Variants in FARSA observed in about 807,000 individuals in gnomAD.
The protein encoded by FARSA is phenylalanyl-tRNA synthetase subunit alpha.
FARSA carries 37 observed loss-of-function variants against 63.2 expected under a neutral mutation model. The observed-to-expected ratio is 0.59, with a 90% CI of 0.45 to 0.77. FARSA has a LOEUF of 0.77. Among genes scored for constraint, FARSA ranks in the 30% least tolerant of loss-of-function variants. The probability of loss-of-function intolerance (pLI) is 0.00; values close to 1 mark genes in which losing one functional copy is unlikely to be tolerated. For missense variants in FARSA, 618 were observed against 696.6 expected (o/e 0.89, Z 1.27); for synonymous variants, 312 against 285.1 (o/e 1.09, Z -0.95).
chr19:12,932,171 G>A (rs1009930591), intron 1 of FARSA, among the ~76,000 whole-genome samples: 1 of 151,590 alleles, frequency 6.6e-6, no homozygotes, highest in Non-Finnish European at 1.5e-5. Context: ...TGGGATTACG[G>A]GTGCCCACCA....
Position 12,928,439 on chromosome 19 carries a change from A to T in FARSA, c.744T>A (p.Thr248=), listed in dbSNP as rs1485989295. ...AGAAGGAGCTCTCAATGAAGTTATC[A>T]GTCGGCATCTCGGTGAACCTGGTGG... The part of the protein sequence containing the change: ...FLEMGFTEMP[T]DNFIESSFWN... The change falls in exon 7 of 13, where the codon ACT becomes ACA. Residue 248 remains threonine, a synonymous_variant. Coordinates refer to ENST00000314606, the MANE Select transcript of FARSA (RefSeq NM_004461.3). The T allele has an allele frequency of 1.2e-6, 2 of 1,613,932 alleles. No homozygotes were observed. Among genetic ancestry groups the T allele is most frequent in the Non-Finnish European group, 1.7e-6 (2 of 1,179,970 alleles).
chr19:12,930,781 A>C (rs547338721), intron 1 of FARSA, 32 bp from the exon 2 acceptor site: 8 of 1,601,214 alleles, frequency 5.0e-6, no homozygotes, highest in Middle Eastern at 1.7e-4. Context: ...GTGTCCAGGC[A>C]GGGGTGAGGC....
Position 12,924,912 on chromosome 19 carries a change from C to G in FARSA, c.1018G>C (p.Ala340Pro), listed in dbSNP as rs770576117. The G allele has an allele frequency of 1.2e-6, 2 of 1,614,254 alleles. No individual in the cohort carries two copies. The highest frequency in any genetic ancestry group is 1.7e-6 in the Non-Finnish European group (2 of 1,180,048). The change falls in exon 9 of 13, where the codon GCC becomes CCC. Residue 340 changes from alanine (A) to proline (P), a missense_variant. Transcript: ENST00000314606. This position sits in a 1 kb window ranked among gnomAD's most constrained non-coding sequence, Gnocchi z 6.4. ...GCCTGGGCCAACCGCACCTTCTGGG[C>G]AAGGCGGTAGAGCGCACGGGCGCTG... ...SASARALYRL[A>P]QKKPFTPVKY...
In FARSA at chr19:12,922,721, G is replaced by A. The variant is rs565376622; in HGVS notation, c.*27C>T. ...GAGCGCAGCAGCAGGGACTCGGGGA[G>A]GATGACCTGTCCTAGAGTGGCCCAT... On this transcript the variant is annotated 3_prime_UTR_variant, in exon 13 of 13. Transcript: ENST00000314606. 1.2e-6 allele frequency: 2 copies of A among 1,611,784 alleles called. No individual in the cohort carries two copies. Among genetic ancestry groups the A allele is most frequent in the Middle Eastern group, 1.9e-4 (1 of 5,310 alleles).
chr19:12,930,992 C>A (rs1175662408), intron 1 of FARSA, among the ~76,000 whole-genome samples: 1 of 152,230 alleles, frequency 6.6e-6, no homozygotes, highest in Non-Finnish European at 1.5e-5. Flanking sequence ...GTAAAGTACA[C>A]CACTAAAGAT....
chr19:12,929,898 C>T (rs1369754176), intron 4 of FARSA, among the ~76,000 whole-genome samples: 6 of 152,076 alleles, frequency 3.9e-5, no homozygotes, highest in Admixed American at 3.3e-4. Context: ...AATGAACAAG[C>T]ACCAAAGATG....
In FARSA at chr19:12,922,841, C is replaced by T; in HGVS notation, c.1434G>A (p.Val478=). The T allele has an allele frequency of 6.2e-7, 1 of 1,614,152 alleles. No homozygotes were observed. The highest frequency in any genetic ancestry group is 8.5e-7 in the Non-Finnish European group (1 of 1,180,020). ...KYGINNIREL[V]GHKVNLQMVY... ...CCATCTGCAGGTTCACCTTGTGGCC[C>T]ACCAGCTCCCGGATATTGTTGATGC... The change falls in exon 13 of 13, where the codon GTG becomes GTA. Residue 478 remains valine (V), a synonymous_variant. Coordinates refer to ENST00000314606, the MANE Select transcript of FARSA (RefSeq NM_004461.3).
At position 12,924,842 on chromosome 19, in the gene FARSA, G is replaced by C. The variant is rs769594954; in HGVS notation, c.1027-35C>G. On this transcript the variant is annotated intron_variant, in intron 9 of 12. Transcript: ENST00000314606. The surrounding 1 kb of genome is among the most constrained non-coding windows in gnomAD (Gnocchi z 6.4). Reference sequence around the variant, plus strand: ...ACAACCGAGCCAGGCCCAGGTATGGGTCAGAAGGTCCCTTTGACAGCACCC... The same window carrying C: ...ACAACCGAGCCAGGCCCAGGTATGGCTCAGAAGGTCCCTTTGACAGCACCC... The C allele has an allele frequency of 6.2e-7, 1 of 1,613,820 alleles. No homozygotes were observed. Among genetic ancestry groups the C allele is most frequent in the African/African-American group, 1.3e-5 (1 of 75,070 alleles).
Position 12,922,760 on chromosome 19 carries a change from CTG to C in FARSA, c.1513_1514del (p.Gln505GlyfsTer37). 6.2e-7 allele frequency: 1 copy of C among 1,613,896 alleles called. No homozygotes were observed. Among genetic ancestry groups the C allele is most frequent in the Non-Finnish European group, 8.5e-7 (1 of 1,180,004 alleles). Reference sequence around the variant, plus strand: ...AGAGTGGCCCATGTCACGCAGCCTCCTGTGTGGGAGGGGGCCTCGGCTCGGCA... The same window carrying C: ...AGAGTGGCCCATGTCACGCAGCCTCCTGTGGGAGGGGGCCTCGGCTCGGCA... ...LDAEPRPPPT[Q>X]EAA On this transcript the variant is annotated frameshift_variant, in exon 13 of 13. Transcript: ENST00000314606. LOFTEE classifies it high-confidence loss of function.
At chr19:12,932,668 G>C (rs1032519325) in intron 1 of FARSA, among the ~76,000 whole-genome samples, 2 of 152,196 alleles carry the variant, frequency 1.3e-5, no homozygotes, top group Non-Finnish European at 2.9e-5. Context: ...ACCAAAGTGG[G>C]GCACAGAACA....
At position 12,925,148 on chromosome 19, in the gene FARSA, T is replaced by G; in HGVS notation, c.868A>C (p.Met290Leu). ...RDPAEALQLPMDYVQRVKRTH... is the reference protein window; with the variant it reads ...RDPAEALQLPLDYVQRVKRTH... ...CGCTTGACCCGCTGGACATAGTCCA[T>G]TGGGAGCTGCAGGGCCTCCGCTGGA... The change falls in exon 8 of 13, where the codon ATG (methionine) becomes CTG (leucine). Residue 290 changes from methionine (M) to leucine (L), a missense_variant. By Grantham distance (15) the Met-to-Leu change is conservative. Coordinates refer to ENST00000314606, the MANE Select transcript of FARSA (RefSeq NM_004461.3). The G allele has an allele frequency of 6.2e-7, 1 of 1,602,480 alleles. No individual in the cohort carries two copies. Among genetic ancestry groups the G allele is most frequent in the African/African-American group, 1.3e-5 (1 of 74,604 alleles).
At position 12,933,697 on chromosome 19, in the gene FARSA, G is replaced by T; in HGVS notation, c.-1C>A. The T allele has an allele frequency of 3.2e-6, 5 of 1,558,464 alleles. No homozygotes were observed. The highest frequency in any genetic ancestry group is 1.2e-5 in the South Asian group (1 of 85,680). ...GTTCCGCCACCTGACCATCCGCCAT[G>T]ACTCCTTCCAGTGTGCTCAGCGTGT... is the stretch of plus-strand genomic sequence containing the variant. On this transcript the variant is annotated 5_prime_UTR_variant, in exon 1 of 13. Coordinates refer to ENST00000314606, the MANE Select transcript of FARSA (RefSeq NM_004461.3).
At chr19:12,926,726 T>G (rs917069732) in intron 7 of FARSA, among the ~76,000 whole-genome samples, 1 of 152,054 alleles carries the variant, frequency 6.6e-6, no homozygotes, top group Non-Finnish European at 1.5e-5. Flanking sequence ...CCCAGCTAAT[T>G]TTATTTGTAC....
chr19:12,930,313 C>T lies in FARSA; in HGVS notation c.413G>A (p.Arg138Gln), dbSNP rs371047882. ...TCCCCCCCGGACCAGCTGGAGCCGCCGCTGCACCTCATCCTCCATGCTGTC... is the reference window on the plus strand; with the variant it reads ...TCCCCCCCGGACCAGCTGGAGCCGCTGCTGCACCTCATCCTCCATGCTGTC... ...VVDSMEDEVQ[R>Q]RLQLVRGGQA... The change falls in exon 4 of 13, where the codon CGG becomes CAG. Residue 138 changes from arginine to glutamine, a missense_variant. By Grantham distance (43) the Arg-to-Gln change is conservative. Transcript: ENST00000314606. 63 of 1,614,164 alleles carry T rather than the reference C, an allele frequency of 3.9e-5. No individual in the cohort carries two copies. The East Asian group carries it at 8.7e-4, about 22-fold the overall frequency.
At chr19:12,930,587 TC>T in intron 2 of FARSA, 24 bp downstream of exon 2, 1 of 1,607,536 alleles carries the variant, frequency 6.2e-7, no homozygotes, top group Non-Finnish European at 8.5e-7. Flanking sequence ...CATCACTCAC[TC>T]CCCATTCACC....
In FARSA at chr19:12,930,289, C is replaced by A. The variant is rs908655552; in HGVS notation, c.437G>T (p.Gly146Val). The A allele has an allele frequency of 1.9e-6, 3 of 1,612,908 alleles. No homozygotes were observed. Among genetic ancestry groups the A allele is most frequent in the Non-Finnish European group, 1.7e-6 (2 of 1,179,454 alleles). The change falls in exon 4 of 13, where the codon GGA becomes GTA. Residue 146 changes from glycine to valine, a missense_variant. Physicochemically the swap from Gly to Val is moderately radical, Grantham distance 109. Coordinates refer to ENST00000314606, the MANE Select transcript of FARSA (RefSeq NM_004461.3). ...CTTCTCCCCCAGCTTCTCAGCCTGT[C>A]CCCCCCGGACCAGCTGGAGCCGCCG... Reference protein sequence around the residue: ...VQRRLQLVRGGQAEKLGEKER... With the variant: ...VQRRLQLVRGVQAEKLGEKER...
chr19:12,930,293 C>G lies in FARSA; in HGVS notation c.433G>C (p.Gly145Arg), dbSNP rs144968946. The change falls in exon 4 of 13, where the codon GGG (glycine) becomes CGG (arginine). Residue 145 changes from glycine (G) to arginine (R), a missense_variant. Coordinates refer to ENST00000314606, the MANE Select transcript of FARSA (RefSeq NM_004461.3). The part of the protein sequence containing the change: ...EVQRRLQLVR[G>R]GQAEKLGEKE... ...TCCCCCAGCTTCTCAGCCTGTCCCCCCCGGACCAGCTGGAGCCGCCGCTGC... is the reference window on the plus strand; with the variant it reads ...TCCCCCAGCTTCTCAGCCTGTCCCCGCCGGACCAGCTGGAGCCGCCGCTGC... The G allele has an allele frequency of 1.6e-4, 257 of 1,614,142 alleles. No homozygotes were observed. Among genetic ancestry groups the G allele is most frequent in the East Asian group, 7.4e-4 (33 of 44,878 alleles).
Position 12,924,232 on chromosome 19 carries a change from C to T in FARSA, c.1307G>A (p.Gly436Glu). 6.2e-7 allele frequency: 1 copy of T among 1,614,150 alleles called. No homozygotes were observed. Among genetic ancestry groups the T allele is most frequent in the Non-Finnish European group, 8.5e-7 (1 of 1,180,046 alleles). ...CAGCAGCATCTCTGGACGGAAGACC[C>T]CCGAGTTTCCGACCTCCACCCACTT... ...LKKWVEVGNS[G>E]VFRPEMLLPM... The change falls in exon 12 of 13, where the codon GGG (glycine) becomes GAG (glutamate). Residue 436 changes from glycine to glutamate, a missense_variant. Gly to Glu is a moderately conservative substitution (Grantham distance 98). Transcript: ENST00000314606. The surrounding 1 kb of genome is among the most constrained non-coding windows in gnomAD (Gnocchi z 6.4).
chr19:12,930,876 C>T (rs1271340945), intron 1 of FARSA, 127 bp from the exon 2 acceptor site: 2 of 1,095,312 alleles, frequency 1.8e-6, no homozygotes, highest in Non-Finnish European at 2.7e-6. Context: ...CCCAGCTATA[C>T]AACTTTACAG....
Sources: allele counts gnomAD v4.1 joint callset (sites outside exome capture counted in the v4.1 genomes callset), GRCh38; gene constraint gnomAD v4.1.1; non-coding constraint Gnocchi (gnomAD v3.1); transcripts MANE v1.5; gene names NCBI Gene and HGNC (gene_info 2026-07-23, HGNC 2026-07-21).